Variants in LEF1 observed in about 807,000 individuals in gnomAD.
LEF1 encodes the protein lymphoid enhancer binding factor 1.
Under a neutral mutation model 51.2 loss-of-function variants are expected in LEF1, and 14 were observed. That is an observed-to-expected ratio of 0.27 (90% confidence interval 0.18 to 0.43). The LOEUF (loss-of-function observed/expected upper bound fraction) is 0.43, where lower values mean the gene tolerates loss of function less well. LEF1 is among the 20% of genes least tolerant of loss of function. The pLI is 1.00. For synonymous variants in LEF1, 185 were observed against 183.2 expected (o/e 1.01, Z -0.08); for missense variants, 386 against 512.0 (o/e 0.75, Z 2.37).
At chr4:108,130,575 A>C (rs983238149) in intron 3 of LEF1, among the ~76,000 whole-genome samples, 8 of 151,626 alleles carry the variant, frequency 5.3e-5, no homozygotes, top group African/African-American at 1.9e-4. Context: ...AAAAAAAAAA[A>C]AAAAAATGGC....
At chr4:108,051,484 C>G (rs890657394) in intron 11 of LEF1, among the ~76,000 whole-genome samples, 1 of 152,224 alleles carries the variant, frequency 6.6e-6, no homozygotes, top group African/African-American at 2.4e-5. Context: ...TTTCCCACAT[C>G]TAAGGCTTCA....
chr4:108,075,352 A>C (rs1205687888), intron 8 of LEF1: 1 of 152,242 alleles, frequency 6.6e-6, no homozygotes, highest in African/African-American at 2.4e-5. Context: ...TAAATGCTCA[A>C]ATTTATTAGG....
chr4:108,151,696 C>T (rs905786785), intron 3 of LEF1, among the ~76,000 whole-genome samples: 21 of 152,130 alleles, frequency 1.4e-4, no homozygotes, highest in African/African-American at 4.8e-4. Context: ...GGCTAACGCA[C>T]AGAAGGGGTT....
At chr4:108,113,284 A>G (rs1187629854) in intron 3 of LEF1, among the ~76,000 whole-genome samples, 1 of 152,238 alleles carries the variant, frequency 6.6e-6, no homozygotes, top group African/African-American at 2.4e-5. Flanking sequence ...GAAGAGCTCC[A>G]GAGCACTAGT....
intron 9 of LEF1, among the ~76,000 whole-genome samples, chr4:108,064,663 A>T (rs62312234): frequency 2.5e-5 from 1 of 39,740 alleles, no homozygotes; most frequent in African/African-American, 4.1e-5. Context: ...ACTCACACAC[A>T]CACACACACA....
At chr4:108,095,563 C>T (rs1740323526) in intron 3 of LEF1, among the ~76,000 whole-genome samples, 1 of 152,124 alleles carries the variant, frequency 6.6e-6, no homozygotes, top group African/African-American at 2.4e-5. Flanking sequence ...GTGGCCTCAA[C>T]TGTAATGAAG....
chr4:108,112,960 ACT>A (rs1741620136), intron 3 of LEF1, among the ~76,000 whole-genome samples: 1 of 152,156 alleles, frequency 6.6e-6, no homozygotes, highest in Non-Finnish European at 1.5e-5. Context: ...TCATCAAAGC[ACT>A]GTCAGAAACC....
chr4:108,081,683 A>T lies in LEF1; in HGVS notation c.639-14T>A, dbSNP rs1560775934. 6.2e-7 allele frequency: 1 copy of T among 1,609,072 alleles called. No individual in the cohort carries two copies. ...GGCTGACCTTGCCTGAGGTCACAGA[A>T]GAAAGGAACCCATCAATGACAAAAC... is the stretch of plus-strand genomic sequence containing the variant. On this transcript the variant is annotated splice_polypyrimidine_tract_variant and intron_variant, in intron 5 of 11. Transcript: ENST00000265165.
chr4:108,097,182 C>T (rs7654054), intron 3 of LEF1, among the ~76,000 whole-genome samples: 5,721 of 152,308 alleles, frequency 0.038, 359 homozygotes, highest in African/African-American at 0.13. Flanking sequence ...GATTTGGAAT[C>T]AACCTCAGTG....
intron 2 of LEF1, 102 bp downstream of exon 2, chr4:108,164,995 C>T: frequency 1.1e-6 from 1 of 931,560 alleles, no homozygotes; most frequent in Non-Finnish European, 1.8e-6. Context: ...ATAGTCTGAC[C>T]TAGTCCCAGT....
intron 3 of LEF1, among the ~76,000 whole-genome samples, chr4:108,127,359 T>C (rs1179046631): frequency 6.6e-6 from 1 of 152,230 alleles, no homozygotes; most frequent in Non-Finnish European, 1.5e-5. Flanking sequence ...TATAAAGTTG[T>C]GCATCTACGG....
intron 3 of LEF1, among the ~76,000 whole-genome samples, chr4:108,153,544 T>G (rs1319484690): frequency 6.6e-6 from 1 of 152,184 alleles, no homozygotes; most frequent in Admixed American, 6.5e-5. Context: ...ACAACGAAAG[T>G]TGAATGTAAA....
intron 8 of LEF1, among the ~76,000 whole-genome samples, chr4:108,076,526 C>G (rs1384524622): frequency 2.0e-5 from 3 of 152,110 alleles, no homozygotes; most frequent in Non-Finnish European, 4.4e-5. Context: ...TAGGCATCCA[C>G]CACCACACAC....
chr4:108,099,600 A>ATGTG (rs1560789341), intron 3 of LEF1, among the ~76,000 whole-genome samples: 1 of 130,932 alleles, frequency 7.6e-6, no homozygotes, highest in African/African-American at 2.8e-5. Flanking sequence ...ATATATATAT[A>ATGTG]TATATATATA....
At position 108,088,955 on chromosome 4, in the gene LEF1, T is replaced by C. The variant is rs145942103; in HGVS notation, c.547+170A>G. On this transcript the variant is annotated intron_variant, in intron 4 of 11. Coordinates refer to ENST00000265165, the MANE Select transcript of LEF1 (RefSeq NM_016269.5). ...AATGCATAATAAATGTAACAGATTC[T>C]TGTGTGTTTCCAAAGAATTGCTATC... 7.6e-3 allele frequency among the ~76,000 whole-genome samples: 1,164 copies of C among 152,330 alleles called. 15 individuals carry two copies. The highest frequency in any genetic ancestry group is 0.026 in the African/African-American group (1,068 of 41,568).
intron 6 of LEF1, 116 bp from the exon 7 acceptor site, chr4:108,079,730 C>T (rs750180742): frequency 1.9e-5 from 18 of 953,172 alleles, no homozygotes; most frequent in South Asian, 4.6e-5. Context: ...CACATCTTTA[C>T]GCACAGAAGC....
chr4:108,066,432 C>G (rs191957832), intron 9 of LEF1, among the ~76,000 whole-genome samples: 6 of 152,180 alleles, frequency 3.9e-5, no homozygotes, highest in African/African-American at 1.4e-4. Context: ...TCTTCTTCCT[C>G]GCTCCCTATG....
At chr4:108,086,316 G>A (rs1351717732) in intron 4 of LEF1, among the ~76,000 whole-genome samples, 2 of 151,990 alleles carry the variant, frequency 1.3e-5, no homozygotes, top group Non-Finnish European at 2.9e-5. Flanking sequence ...CCTCAAACTC[G>A]TGGCCTCAAG....
At chr4:108,165,719 G>A (rs1745342448) in intron 1 of LEF1, among the ~76,000 whole-genome samples, 1 of 152,230 alleles carries the variant, frequency 6.6e-6, no homozygotes. Context: ...CTGGCTGAGT[G>A]CAGGCTTACA....
Sources: allele counts gnomAD v4.1 joint callset (sites outside exome capture counted in the v4.1 genomes callset), GRCh38; gene constraint gnomAD v4.1.1; transcripts MANE v1.5; gene names NCBI Gene and HGNC (gene_info 2026-07-23, HGNC 2026-07-21).